The following AKIRIN2 variants were observed in gnomAD, a reference collection of about 807,000 sequenced individuals.
AKIRIN2 encodes akirin 2, also known as akirin-2.
AKIRIN2 carries 6 observed loss-of-function variants against 29.3 expected under a neutral mutation model. The observed-to-expected ratio is 0.20, with a 90% CI of 0.11 to 0.40. AKIRIN2 has a LOEUF of 0.40. AKIRIN2 is among the 10% of genes least tolerant of loss of function. The pLI is 1.00. For synonymous variants in AKIRIN2, 128 were observed against 117.5 expected, an observed-to-expected ratio of 1.09 and a Z score of -0.58; for missense variants, 210 against 276.1, an observed-to-expected ratio of 0.76 and a Z score of 1.70.
Position 87,702,146 on chromosome 6 carries a change from C to T in AKIRIN2, c.-462G>A, listed in dbSNP as rs1377075097. The T allele has an allele frequency of 3.5e-5, 14 of 398,820 alleles. No individual in the cohort carries two copies. The East Asian group carries it at 3.9e-4, about 11-fold the overall frequency. 24.7% of individuals were successfully genotyped at this position (398,820 alleles called of 1,614,324 possible). ...AGTACGGTCAGTAGCTTGCGAGCGG[C>T]GATCGATGCAGAGAGATTGCGAGGT... On this transcript the variant is annotated 5_prime_UTR_variant, in exon 1 of 5. Coordinates refer to ENST00000257787, the MANE Select transcript of AKIRIN2 (RefSeq NM_018064.4).
intron 1 of AKIRIN2, among the ~76,000 whole-genome samples, chr6:87,701,197 C>T (rs984158177): frequency 6.6e-6 from 1 of 152,116 alleles, no homozygotes; most frequent in African/African-American, 2.4e-5. Flanking sequence ...TGTCCCTGTT[C>T]TACCCAATAC....
intron 4 of AKIRIN2, 86 bp from the exon 5 acceptor site, chr6:87,675,693 AG>A: frequency 6.5e-7 from 1 of 1,548,948 alleles, no homozygotes; most frequent in Non-Finnish European, 8.8e-7. Flanking sequence ...TTTTGCCCCT[AG>A]GTATTTAAGT....
chr6:87,677,345 C>A (rs535975344), intron 3 of AKIRIN2, among the ~76,000 whole-genome samples: 1 of 152,088 alleles, frequency 6.6e-6, no homozygotes, highest in Non-Finnish European at 1.5e-5. Context: ...AACAGTAAAT[C>A]TGTGGCTAAA....
rs1197888113 is a variant in AKIRIN2 at position 87,675,547 on chromosome 6, G to C, written c.*50C>G. ...CTGCATGTCATAATTGGGACCTCTT[G>C]CAACAACTCAACAAGGAACAAGGCA... On this transcript the variant is annotated 3_prime_UTR_variant, in exon 5 of 5. Coordinates refer to ENST00000257787, the MANE Select transcript of AKIRIN2 (RefSeq NM_018064.4). 4 of 1,609,614 alleles carry C rather than the reference G, an allele frequency of 2.5e-6. No homozygotes were observed. The highest frequency in any genetic ancestry group is 1.7e-5 in the Admixed American group (1 of 59,984).
intron 1 of AKIRIN2, among the ~76,000 whole-genome samples, chr6:87,691,211 G>A (rs1294601707): frequency 1.3e-5 from 2 of 152,026 alleles, no homozygotes; most frequent in African/African-American, 4.8e-5. Context: ...TGGAGGCCAA[G>A]GTGGGCAGAT....
intron 1 of AKIRIN2, among the ~76,000 whole-genome samples, chr6:87,693,387 C>T (rs1233747779): frequency 6.6e-6 from 1 of 152,014 alleles, no homozygotes; most frequent in Non-Finnish European, 1.5e-5. Context: ...AATGCCTCAT[C>T]TTAGGACAGG....
Position 87,683,670 on chromosome 6 carries a change from T to C in AKIRIN2, c.236-1907A>G, listed in dbSNP as rs541016429. 1.5e-3 allele frequency among the ~76,000 whole-genome samples: 233 copies of C among 152,316 alleles called. 1 individual carries two copies. Among genetic ancestry groups the C allele is most frequent in the Non-Finnish European group, 2.6e-3 (179 of 68,026 alleles). On this transcript the variant is annotated intron_variant, in intron 1 of 4. Transcript: ENST00000257787. ...AAGGGTTTTTCTTTTCTTTTCTTTT[T>C]TGAGATGGAGTCTTGCTCTGTCACC...
At chr6:87,684,003 T>A (rs1421247389) in intron 1 of AKIRIN2, among the ~76,000 whole-genome samples, 1 of 152,182 alleles carries the variant, frequency 6.6e-6, no homozygotes, top group African/African-American at 2.4e-5. Flanking sequence ...TCACTTTCTG[T>A]CCAAAGCTAC....
intron 3 of AKIRIN2, 107 bp from the exon 4 acceptor site, chr6:87,676,038 A>G (rs1417098536): frequency 1.2e-6 from 1 of 869,522 alleles, no homozygotes; most frequent in African/African-American, 1.7e-5. Flanking sequence ...TGACAAAATC[A>G]CTTACATAAC....
At chr6:87,691,089 G>A (rs577918230) in intron 1 of AKIRIN2, among the ~76,000 whole-genome samples, 3 of 152,152 alleles carry the variant, frequency 2.0e-5, no homozygotes, top group East Asian at 3.9e-4. Context: ...AAAGTCAATC[G>A]ATTTCACAAA....
chr6:87,676,447 CAAAAA>C lies in AKIRIN2; in HGVS notation c.530-521_530-517del, dbSNP rs71021319. ...CGCCACTGCACTCCAGCCTGGGCAA[CAAAAA>C]AAAAAAAAAAAAAAAAAAACGAGGC... On this transcript the variant is annotated intron_variant, in intron 3 of 4. Transcript: ENST00000257787. Among the ~76,000 whole-genome samples the C allele has an allele frequency of 8.5e-3, 357 of 41,902 alleles. 1 individual carries two copies. Among genetic ancestry groups the C allele is most frequent in the African/African-American group, 0.03 (310 of 10,344 alleles). The allele number at this position is 41,902 out of a possible 152,430, so 27.5% of individuals were successfully genotyped here. A position where few individuals can be genotyped will look rare whatever the true frequency, so the allele number is the denominator to read the frequency against.
At chr6:87,699,553 G>T (rs1481180659) in intron 1 of AKIRIN2, among the ~76,000 whole-genome samples, 2 of 151,974 alleles carry the variant, frequency 1.3e-5, no homozygotes, top group East Asian at 3.9e-4. Flanking sequence ...AAAACACCTT[G>T]AAGAAAATAG....
chr6:87,701,752 G>A lies in AKIRIN2; in HGVS notation c.-68C>T, dbSNP rs796441626. The A allele has an allele frequency of 1.9e-5, 23 of 1,190,558 alleles. 2 individuals are homozygous for A. The South Asian group carries it at 3.8e-4, about 20-fold the overall frequency. The allele number at this position is 1,190,558 out of a possible 1,614,324, so 73.7% of individuals were successfully genotyped here. Reference sequence around the variant, plus strand: ...ACGGGTGACGAAAGAAGAGGGTGAGGGAAGGGGTGAAGAGCGGGAACTCGA... The same window carrying A: ...ACGGGTGACGAAAGAAGAGGGTGAGAGAAGGGGTGAAGAGCGGGAACTCGA... On this transcript the variant is annotated 5_prime_UTR_variant, in exon 1 of 5. Transcript: ENST00000257787.
intron 1 of AKIRIN2, among the ~76,000 whole-genome samples, chr6:87,692,955 G>A (rs190360004): frequency 2.7e-4 from 41 of 152,292 alleles, no homozygotes; most frequent in Admixed American, 6.5e-4. Flanking sequence ...CTGGTCGGGC[G>A]CAGTGGCTCA....
intron 1 of AKIRIN2, among the ~76,000 whole-genome samples, chr6:87,699,193 A>T (rs763493853): frequency 6.6e-6 from 1 of 152,202 alleles, no homozygotes; most frequent in Non-Finnish European, 1.5e-5. Flanking sequence ...CAGGTGCATG[A>T]GAAAATTATT....
At chr6:87,689,507 T>C (rs1771243356) in intron 1 of AKIRIN2, among the ~76,000 whole-genome samples, 1 of 152,014 alleles carries the variant, frequency 6.6e-6, no homozygotes, top group African/African-American at 2.4e-5. Flanking sequence ...GGAACCAGGA[T>C]TTGCAAAACT....
chr6:87,694,251 AG>A (rs1234768457), intron 1 of AKIRIN2, among the ~76,000 whole-genome samples: 1 of 152,254 alleles, frequency 6.6e-6, no homozygotes, highest in Non-Finnish European at 1.5e-5. Context: ...TTAGTAAACA[AG>A]CCTTAACACT....
chr6:87,677,612 T>A (rs1771042385), intron 3 of AKIRIN2, among the ~76,000 whole-genome samples: 1 of 152,192 alleles, frequency 6.6e-6, no homozygotes, highest in Admixed American at 6.5e-5. Context: ...TTACTGCTGA[T>A]CTACACGGCT....
rs976777637 is a variant in AKIRIN2 at position 87,702,188 on chromosome 6, A to G, written c.-504T>C. On this transcript the variant is annotated 5_prime_UTR_variant, in exon 1 of 5. Coordinates refer to ENST00000257787, the MANE Select transcript of AKIRIN2 (RefSeq NM_018064.4). The stretch of plus-strand genomic sequence containing the variant: ...TTGCGAGGTAGCTGCCGCAGCAGGA[A>G]CCCAAGCGAACACGTCCAACCGCTT... 2.5e-6 allele frequency: 1 copy of G among 397,996 alleles called. No homozygotes were observed. Among genetic ancestry groups the G allele is most frequent in the Non-Finnish European group, 4.4e-6 (1 of 225,842 alleles). 24.7% of individuals were successfully genotyped at this position (397,996 alleles called of 1,614,324 possible). A position where few individuals can be genotyped will look rare whatever the true frequency, so the allele number is the denominator to read the frequency against.
Sources: allele counts gnomAD v4.1 joint callset (sites outside exome capture counted in the v4.1 genomes callset), GRCh38; gene constraint gnomAD v4.1.1; transcripts MANE v1.5; gene names NCBI Gene and HGNC (gene_info 2026-07-23, HGNC 2026-07-21).